UGT2B4: variants seen among roughly 807,000 people sequenced by gnomAD.
UGT2B4 encodes UDP glucuronosyltransferase family 2 member B4.
A neutral mutation model predicts 49.8 loss-of-function variants in UGT2B4; 49 were observed. The ratio of observed to expected loss-of-function variants is 0.98; its 90% CI spans 0.78 to 1.25. The LOEUF is 1.25. Among genes scored for constraint, UGT2B4 ranks in the 50% most tolerant of loss-of-function variants. The pLI is 0.00. For synonymous variants in UGT2B4, 246 were observed against 217.7 expected (o/e 1.13, Z -1.14); for missense variants, 729 against 627.7 (o/e 1.16, Z -1.73).
At chr4:69,481,870 T>C (rs1309938296) in intron 5 of UGT2B4, among the ~76,000 whole-genome samples, 1 of 152,208 alleles carries the variant, frequency 6.6e-6, no homozygotes, top group Non-Finnish European at 1.5e-5. Context: ...TGTCCTACTG[T>C]TTCCCACGCA....
intron 1 of UGT2B4, among the ~76,000 whole-genome samples, chr4:69,520,934 T>C (rs538973008): frequency 3.5e-4 from 54 of 152,312 alleles, no homozygotes; most frequent in South Asian, 1.9e-3. Flanking sequence ...TGAAGGCTGC[T>C]GCTGGAAGTA....
chr4:69,522,479 G>A (rs944488523), intron 1 of UGT2B4, among the ~76,000 whole-genome samples: 3 of 152,146 alleles, frequency 2.0e-5, no homozygotes, highest in African/African-American at 7.2e-5. Context: ...ACATATAAAA[G>A]TTATGTTTAC....
chr4:69,514,576 G>A (rs1312269507), intron 1 of UGT2B4, among the ~76,000 whole-genome samples: 1 of 152,152 alleles, frequency 6.6e-6, no homozygotes, highest in Admixed American at 6.6e-5. Context: ...CGCCCATTCA[G>A]TATGATGTTG....
At chr4:69,520,425 G>A (rs1423590499) in intron 1 of UGT2B4, among the ~76,000 whole-genome samples, 1 of 152,226 alleles carries the variant, frequency 6.6e-6, no homozygotes, top group Non-Finnish European at 1.5e-5. Flanking sequence ...TTGGCAGGGT[G>A]GTAGCACCGT....
intron 1 of UGT2B4, among the ~76,000 whole-genome samples, chr4:69,509,724 T>C (rs892893190): frequency 6.6e-6 from 1 of 152,196 alleles, no homozygotes. Context: ...TTTGTTATTG[T>C]CACAGTTATA....
upstream of UGT2B4, among the ~76,000 whole-genome samples, chr4:69,499,551 T>C (rs1728247616): frequency 6.6e-6 from 1 of 152,206 alleles, no homozygotes; most frequent in African/African-American, 2.4e-5. Context: ...TGCTTCTGTA[T>C]TGGGTGCATA....
intron 1 of UGT2B4, among the ~76,000 whole-genome samples, chr4:69,517,299 A>G (rs550458805): frequency 6.6e-6 from 1 of 152,310 alleles, no homozygotes; most frequent in African/African-American, 2.4e-5. Context: ...TAAAACTATC[A>G]AAAAAGGATT....
At chr4:69,508,505 A>G (rs1364423814) in intron 1 of UGT2B4, among the ~76,000 whole-genome samples, 1 of 152,240 alleles carries the variant, frequency 6.6e-6, no homozygotes, top group Non-Finnish European at 1.5e-5. Context: ...TATACACTAT[A>G]GAATTCAATG....
chr4:69,515,841 T>C (rs1483962892), intron 1 of UGT2B4, among the ~76,000 whole-genome samples: 1 of 152,106 alleles, frequency 6.6e-6, no homozygotes, highest in African/African-American at 2.4e-5. Flanking sequence ...ACAGCATTAT[T>C]ACTGGAGATA....
Position 69,509,733 on chromosome 4 carries a change from T to C in UGT2B4, c.-105-13767A>G, listed in dbSNP as rs1577900085. ...TTGCTTTTTGTTATTGTCACAGTTATATAAATATTTTGGTTTTTAACCCCT... is the reference window on the plus strand; with the variant it reads ...TTGCTTTTTGTTATTGTCACAGTTACATAAATATTTTGGTTTTTAACCCCT... On this transcript the variant is annotated intron_variant, in intron 1 of 1. Transcript: ENST00000510114. Among the ~76,000 whole-genome samples the C allele has an allele frequency of 2.0e-5, 3 of 152,326 alleles. No individual in the cohort carries two copies. The East Asian group carries it at 5.8e-4, about 29-fold the overall frequency.
At chr4:69,489,642 A>G in intron 2 of UGT2B4, 72 bp from the exon 3 acceptor site, 1 of 1,533,402 alleles carries the variant, frequency 6.5e-7, no homozygotes, top group Non-Finnish European at 8.8e-7. Context: ...GAATTGTTAT[A>G]AAAAGAGAGA....
At chr4:69,496,646 C>A (rs114048051), upstream of UGT2B4, among the ~76,000 whole-genome samples, 479 of 152,120 alleles carry the variant, frequency 3.1e-3, no homozygotes, top group Non-Finnish European at 5.8e-3. Context: ...AAAAATAAAC[C>A]CTATAAGCTT....
intron 1 of UGT2B4, among the ~76,000 whole-genome samples, chr4:69,501,509 C>A (rs1330702397): frequency 1.3e-5 from 2 of 152,104 alleles, no homozygotes; most frequent in Non-Finnish European, 1.5e-5. Context: ...TTTGAACAGT[C>A]CAAGATGACT....
At chr4:69,504,056 G>C (rs567572614) in intron 1 of UGT2B4, among the ~76,000 whole-genome samples, 3 of 152,144 alleles carry the variant, frequency 2.0e-5, no homozygotes, top group African/African-American at 7.2e-5. Context: ...AATTAAATAA[G>C]ATAAAAAAGA....
At chr4:69,520,638 A>G (rs1398433077) in intron 1 of UGT2B4, among the ~76,000 whole-genome samples, 1 of 151,546 alleles carries the variant, frequency 6.6e-6, no homozygotes, top group Non-Finnish European at 1.5e-5. Context: ...GTGGCTGGAC[A>G]TGTGCATGCT....
intron 1 of UGT2B4, among the ~76,000 whole-genome samples, chr4:69,520,108 GA>G (rs1379931188): frequency 1.1e-4 from 16 of 151,792 alleles, no homozygotes. Context: ...TATTAAATTA[GA>G]AAACACTTGA....
intron 1 of UGT2B4, among the ~76,000 whole-genome samples, chr4:69,504,891 C>T (rs1386951126): frequency 6.6e-6 from 1 of 152,068 alleles, no homozygotes; most frequent in African/African-American, 2.4e-5. Flanking sequence ...GCCCATAAAA[C>T]TAACAGTGTA....
At chr4:69,519,223 G>A (rs953077404) in intron 1 of UGT2B4, among the ~76,000 whole-genome samples, 12 of 152,138 alleles carry the variant, frequency 7.9e-5, no homozygotes, top group Non-Finnish European at 2.9e-5. Flanking sequence ...CAAGCTTTTC[G>A]CAAGTAATTC....
chr4:69,500,015 A>C (rs1212230179), upstream of UGT2B4, among the ~76,000 whole-genome samples: 1 of 152,216 alleles, frequency 6.6e-6, no homozygotes, highest in Non-Finnish European at 1.5e-5. Flanking sequence ...TCAATGATAG[A>C]CTGGATAAAG....
Sources: allele counts gnomAD v4.1 joint callset (sites outside exome capture counted in the v4.1 genomes callset), GRCh38; gene constraint gnomAD v4.1.1; transcripts MANE v1.5; gene names NCBI Gene and HGNC (gene_info 2026-07-23, HGNC 2026-07-21).